FAM13B: variants seen among roughly 807,000 people sequenced by gnomAD.
FAM13B encodes family with sequence similarity 13 member B.
A neutral mutation model predicts 117.3 loss-of-function variants in FAM13B; 60 were observed. The observed-to-expected ratio is 0.51, with a 90% CI of 0.42 to 0.63. The LOEUF (loss-of-function observed/expected upper bound fraction) is 0.63. Among genes scored for constraint, FAM13B ranks in the 30% least tolerant of loss-of-function variants. The probability of loss-of-function intolerance (pLI) is 0.00; values close to 1 mark genes in which losing one functional copy is unlikely to be tolerated. For synonymous variants in FAM13B, 332 were observed against 356.1 expected (o/e 0.93, Z 0.76); for missense variants, 972 against 1,091.9 (o/e 0.89, Z 1.55).
Position 137,987,500 on chromosome 5 carries a change from G to C in FAM13B, c.1007C>G (p.Ala336Gly), listed in dbSNP as rs139749972. 1 of 1,612,782 alleles carries C rather than the reference G, an allele frequency of 6.2e-7. No individual in the cohort carries two copies. The highest frequency in any genetic ancestry group is 8.5e-7 in the Non-Finnish European group (1 of 1,179,288). ...TTCCCCATCACAATGAATACTTTCT[G>C]CTTCATTATTACACACCACACTTTG... Reference protein sequence around the residue: ...QQQSVVCNNEAESIHCDGEGS... With the variant: ...QQQSVVCNNEGESIHCDGEGS... The change falls in exon 9 of 24, where the codon GCA (alanine) becomes GGA (glycine). Residue 336 changes from alanine to glycine, a missense_variant. Ala to Gly is a moderately conservative substitution (Grantham distance 60, BLOSUM62 0). Coordinates refer to ENST00000689681, the MANE Select transcript of FAM13B (RefSeq NM_001385994.1).
intron 18 of FAM13B, 31 bp from the exon 19 acceptor site, chr5:137,946,342 C>CAAAAAAAACAAAAAAAAAA: frequency 1.1e-6 from 1 of 919,182 alleles, no homozygotes; most frequent in Non-Finnish European, 1.5e-6. Context: ...TAACAAAATA[C>CAAAAAAAACAAAAAAAAAA]AAAAAAAAAA....
intron 14 of FAM13B, among the ~76,000 whole-genome samples, chr5:137,956,092 A>G (rs1223488975): frequency 6.6e-6 from 1 of 152,134 alleles, no homozygotes; most frequent in African/African-American, 2.4e-5. Flanking sequence ...ATTTAGTTTA[A>G]CTTTATGCAT....
At position 137,938,446 on chromosome 5, in the gene FAM13B, G is replaced by C. The variant is rs1253494695; in HGVS notation, c.*1779C>G. ...ATGTTTGGATACACTCCTATCTGGA[G>C]ACTGAAGGAAATTATCTGAAATGTA... On this transcript the variant is annotated 3_prime_UTR_variant, in exon 24 of 24. Transcript: ENST00000689681. The C allele has an allele frequency of 6.6e-6, 1 of 152,610 alleles. No homozygotes were observed. The highest frequency in any genetic ancestry group is 2.1e-4 in the South Asian group (1 of 4,832). The allele number at this position is 152,610 out of a possible 1,614,324, so 9.5% of individuals were successfully genotyped here.
intron 19 of FAM13B, 51 bp downstream of exon 19, chr5:137,946,177 T>A (rs200475728): frequency 6.8e-7 from 1 of 1,481,204 alleles, no homozygotes; most frequent in East Asian, 2.3e-5. Context: ...AATTGATTCA[T>A]GTTCTTTTTT....
intron 13 of FAM13B, among the ~76,000 whole-genome samples, chr5:137,958,625 T>C (rs767986378): frequency 6.6e-6 from 1 of 152,238 alleles, no homozygotes; most frequent in Non-Finnish European, 1.5e-5. Flanking sequence ...AATGAATATG[T>C]AACTATCCTT....
chr5:137,954,019 G>C (rs1475897164), intron 15 of FAM13B, 147 bp downstream of exon 15: 1 of 641,716 alleles, frequency 1.6e-6, no homozygotes. Context: ...TGAATTCTAT[G>C]TCTAGAAGAC....
At position 137,959,910 on chromosome 5, in the gene FAM13B, T is replaced by C. The variant is rs1767670124; in HGVS notation, c.1294-147A>G. The C allele has an allele frequency of 6.6e-6, 5 of 763,284 alleles. No homozygotes were observed. In the African/African-American group the frequency reaches 7.1e-5, roughly 11 times the overall value. 47.3% of individuals were successfully genotyped at this position (763,284 alleles called of 1,614,324 possible). ...GTCCCACTCCCACTGTGCAAACTAT[T>C]TTCAAATATAAACATGCAGTTTTAG... On this transcript the variant is annotated intron_variant, in intron 12 of 23. Coordinates refer to ENST00000689681, the MANE Select transcript of FAM13B (RefSeq NM_001385994.1).
At chr5:138,010,105 C>T (rs530024165) in intron 6 of FAM13B, among the ~76,000 whole-genome samples, 65 of 152,098 alleles carry the variant, frequency 4.3e-4, no homozygotes, top group South Asian at 3.3e-3. Context: ...CTCAGCCTCT[C>T]CAGTAGCTGG....
intron 1 of FAM13B, among the ~76,000 whole-genome samples, chr5:138,044,687 C>G (rs1197208764): frequency 7.9e-5 from 12 of 151,932 alleles, no homozygotes; most frequent in African/African-American, 2.2e-4. Context: ...AGTGAAAGTT[C>G]AAGCCAAAAG....
chr5:137,977,884 A>C (rs1327901381), intron 10 of FAM13B, among the ~76,000 whole-genome samples: 3 of 152,246 alleles, frequency 2.0e-5, no homozygotes, highest in Non-Finnish European at 2.9e-5. Context: ...TGTTGGAAAC[A>C]TAAATATAAG....
chr5:137,951,163 T>C (rs950221855), intron 17 of FAM13B, among the ~76,000 whole-genome samples: 19 of 128,762 alleles, frequency 1.5e-4, no homozygotes, highest in African/African-American at 4.9e-4. Context: ...TGAGCTAAGA[T>C]CGTGCCACTG....
chr5:138,004,191 C>A (rs1020993839), intron 7 of FAM13B, among the ~76,000 whole-genome samples: 1 of 151,858 alleles, frequency 6.6e-6, no homozygotes, highest in Non-Finnish European at 1.5e-5. Flanking sequence ...ATCGCTTGAA[C>A]TCAGGAGGTG....
intron 17 of FAM13B, 103 bp from the exon 18 acceptor site, chr5:137,949,287 C>G (rs966743349): frequency 1.9e-5 from 16 of 829,070 alleles, no homozygotes; most frequent in Non-Finnish European, 3.2e-5. Context: ...ATTAACAGCA[C>G]ACAGACTTAG....
At chr5:138,016,005 C>CT (rs1207052979) in intron 4 of FAM13B, among the ~76,000 whole-genome samples, 4 of 151,750 alleles carry the variant, frequency 2.6e-5, no homozygotes, top group South Asian at 2.1e-4. Flanking sequence ...AGCATTTTTG[C>CT]TTTTTTTTGC....
intron 11 of FAM13B, among the ~76,000 whole-genome samples, chr5:137,960,647 TAC>T (rs1368330255): frequency 1.3e-5 from 2 of 152,224 alleles, no homozygotes; most frequent in African/African-American, 4.8e-5. Flanking sequence ...CTATGTCTTT[TAC>T]TTTAAACTTG....
rs1182862516 is a variant in FAM13B, at chr5:137,939,938, T to A, written c.*287A>T. ...TGAAGTTGAAAGGATAAAATTCCAG[T>A]CTTTTGCTAAAAGGATGTATCTGTA... On this transcript the variant is annotated 3_prime_UTR_variant, in exon 24 of 24. Transcript: ENST00000689681. 5 of 1,361,016 alleles carry A rather than the reference T, an allele frequency of 3.7e-6. No homozygotes were observed. The East Asian group carries it at 1.4e-4, about 38-fold the overall frequency. The allele number at this position is 1,361,016 out of a possible 1,614,324, so 84.3% of individuals were successfully genotyped here.
chr5:137,942,778 TCTC>T, intron 22 of FAM13B, 94 bp downstream of exon 22: 2 of 999,990 alleles, frequency 2.0e-6, no homozygotes, highest in Admixed American at 2.7e-5. Flanking sequence ...TCTTGATTCA[TCTC>T]CTATTAATTC....
chr5:138,038,781 A>G (rs1036907748), intron 1 of FAM13B, among the ~76,000 whole-genome samples: 1 of 152,246 alleles, frequency 6.6e-6, no homozygotes, highest in African/African-American at 2.4e-5. Flanking sequence ...TTAGCAACCC[A>G]GAATAACCTT....
chr5:138,018,382 A>C lies in FAM13B; in HGVS notation c.290T>G (p.Leu97Arg). 1 of 1,614,164 alleles carries C rather than the reference A, an allele frequency of 6.2e-7. No homozygotes were observed. Among genetic ancestry groups the C allele is most frequent in the Non-Finnish European group, 8.5e-7 (1 of 1,180,014 alleles). Residue 97 changes from leucine (L) to arginine (R), a missense_variant, in exon 4 of 24, where the codon CTT (leucine) becomes CGT (arginine). By Grantham distance (102) the Leu-to-Arg change is moderately radical (BLOSUM62 -2). Coordinates refer to ENST00000689681, the MANE Select transcript of FAM13B (RefSeq NM_001385994.1). ...KEADVPSAIS[L>R]LRFFLQELPE... The stretch of plus-strand genomic sequence containing the variant: ...AAGTTCTTGAAGAAAAAATCTAAGA[A>C]GGCTAATAGCTGAGGGAACATCTGC...
Sources: gnomAD v4.1 joint callset for allele counts (sites outside exome capture counted in the v4.1 genomes callset) on GRCh38, gnomAD v4.1.1 for gene constraint, MANE v1.5 for transcripts, NCBI Gene and HGNC (gene_info 2026-07-23, HGNC 2026-07-21) for gene names.